Variants in MARCHF1 observed in about 807,000 individuals in gnomAD.
The protein encoded by MARCHF1 is membrane associated ring-CH-type finger 1.
Under a neutral mutation model 54.2 loss-of-function variants are expected in MARCHF1, and 40 were observed. The observed-to-expected ratio is 0.74, with a 90% CI of 0.57 to 0.96. MARCHF1 has a LOEUF of 0.96. Ranked by LOEUF, MARCHF1 falls within the 40% of genes least tolerant of loss-of-function variation. The pLI is 0.00. For missense variants in MARCHF1, 586 were observed against 656.5 expected, an observed-to-expected ratio of 0.89 and a Z score of 1.17; for synonymous variants, 236 against 236.3, an observed-to-expected ratio of 1.00 and a Z score of 0.01.
intron 1 of MARCHF1, among the ~76,000 whole-genome samples, chr4:164,319,083 A>T (rs1735072743): frequency 6.6e-6 from 1 of 152,158 alleles, no homozygotes; most frequent in Non-Finnish European, 1.5e-5. Context: ...TGAGTTCCAC[A>T]TCCATGGATT....
chr4:164,357,367 A>G (rs1278470529), intron 1 of MARCHF1, among the ~76,000 whole-genome samples: 1 of 152,088 alleles, frequency 6.6e-6, no homozygotes, highest in African/African-American at 2.4e-5. Flanking sequence ...TCTTTCTGCC[A>G]TCACATCTCT....
chr4:163,699,310 C>CA (rs1397061856), intron 5 of MARCHF1, among the ~76,000 whole-genome samples: 1 of 152,192 alleles, frequency 6.6e-6, no homozygotes, highest in Admixed American at 6.5e-5. Context: ...TGTTGCAAGA[C>CA]AGAGATATGG....
intron 4 of MARCHF1, among the ~76,000 whole-genome samples, chr4:163,829,646 CT>C (rs1280628256): frequency 1.3e-5 from 2 of 152,146 alleles, no homozygotes; most frequent in African/African-American, 4.8e-5. Context: ...TGCCTTCCCC[CT>C]GGACTGGATG....
chr4:163,993,241 TA>T (rs1281596787), intron 2 of MARCHF1, among the ~76,000 whole-genome samples: 2 of 152,094 alleles, frequency 1.3e-5, no homozygotes, highest in Non-Finnish European at 2.9e-5. Flanking sequence ...TATGTGTTTA[TA>T]AAAAAATCTA....
intron 5 of MARCHF1, among the ~76,000 whole-genome samples, chr4:163,667,780 C>T (rs541623912): frequency 8.8e-4 from 134 of 152,052 alleles, no homozygotes; most frequent in African/African-American, 3.1e-3. Flanking sequence ...TGTGTGCCAC[C>T]ACACCCAGCT....
chr4:163,949,379 C>T (rs1013833290), intron 3 of MARCHF1, among the ~76,000 whole-genome samples: 1 of 152,152 alleles, frequency 6.6e-6, no homozygotes, highest in Admixed American at 6.5e-5. Flanking sequence ...AAGAGGGTGT[C>T]ACAGCCCTGG....
At chr4:164,273,822 T>C (rs764557157) in intron 1 of MARCHF1, among the ~76,000 whole-genome samples, 15 of 152,314 alleles carry the variant, frequency 9.8e-5, no homozygotes, top group African/African-American at 3.1e-4. Context: ...TCTGAAGATG[T>C]CCTGGCTTAT....
At chr4:163,682,145 C>T (rs1744124809) in intron 5 of MARCHF1, among the ~76,000 whole-genome samples, 1 of 152,176 alleles carries the variant, frequency 6.6e-6, no homozygotes, top group Non-Finnish European at 1.5e-5. Flanking sequence ...AACCAAGAGA[C>T]TGGCAGCATT....
intron 1 of MARCHF1, among the ~76,000 whole-genome samples, chr4:164,171,811 A>T (rs1730532788): frequency 6.6e-6 from 1 of 152,224 alleles, no homozygotes; most frequent in African/African-American, 2.4e-5. Context: ...GGTTCAGAAG[A>T]TTTCTCAACA....
At chr4:164,049,106 A>G (rs76773911) in intron 2 of MARCHF1, among the ~76,000 whole-genome samples, 4,005 of 152,340 alleles carry the variant, frequency 0.026, 77 homozygotes, top group Non-Finnish European at 0.039. Flanking sequence ...TTTATAAAGA[A>G]AAGAAGTTTA....
At chr4:163,881,565 A>G (rs1003710529) in intron 3 of MARCHF1, among the ~76,000 whole-genome samples, 3 of 152,172 alleles carry the variant, frequency 2.0e-5, no homozygotes, top group Admixed American at 1.3e-4. Context: ...TAATTATGAC[A>G]TGTTTCCAGA....
chr4:163,659,448 C>T (rs1478627697), intron 5 of MARCHF1, among the ~76,000 whole-genome samples: 1 of 152,018 alleles, frequency 6.6e-6, no homozygotes, highest in African/African-American at 2.4e-5. Flanking sequence ...ACCGTTAAAA[C>T]CCTAGAAGAA....
intron 5 of MARCHF1, among the ~76,000 whole-genome samples, chr4:163,635,328 C>G (rs1053255453): frequency 1.8e-4 from 27 of 149,262 alleles, no homozygotes; most frequent in Admixed American, 1.4e-3. Context: ...TTGAAAGGAT[C>G]AACAAAATTG....
In MARCHF1 at chr4:164,238,340, A is replaced by T. The variant is rs114335032; in HGVS notation, c.-322-126678T>A. Among the ~76,000 whole-genome samples the T allele has an allele frequency of 3.5e-3, 540 of 152,216 alleles. 5 individuals carry two copies. The highest frequency in any genetic ancestry group is 6.5e-3 in the Admixed American group (99 of 15,288). Reference sequence around the variant, plus strand: ...GAGAAAAAACAATAGTAAATCCATTAGAAAGTTGAATCAACAGTTGACCAG... The same window carrying T: ...GAGAAAAAACAATAGTAAATCCATTTGAAAGTTGAATCAACAGTTGACCAG... On this transcript the variant is annotated intron_variant, in intron 1 of 9. Transcript: ENST00000514618.
chr4:164,090,122 A>C (rs1395722176), intron 2 of MARCHF1, among the ~76,000 whole-genome samples: 1 of 152,062 alleles, frequency 6.6e-6, no homozygotes, highest in Non-Finnish European at 1.5e-5. Context: ...AACTAACAAA[A>C]TGTGAAGAAA....
chr4:164,006,790 C>A (rs942649615), intron 2 of MARCHF1, among the ~76,000 whole-genome samples: 2 of 151,454 alleles, frequency 1.3e-5, no homozygotes, highest in Non-Finnish European at 2.9e-5. Context: ...TCAACAGAAA[C>A]CATACAGGTC....
At chr4:164,020,260 G>A (rs1415102178) in intron 2 of MARCHF1, among the ~76,000 whole-genome samples, 1 of 152,126 alleles carries the variant, frequency 6.6e-6, no homozygotes, top group Non-Finnish European at 1.5e-5. Flanking sequence ...TCTAGAGCTG[G>A]CAGTTGAGTT....
intron 4 of MARCHF1, among the ~76,000 whole-genome samples, chr4:163,770,563 C>A (rs1008743883): frequency 6.9e-6 from 1 of 145,938 alleles, no homozygotes; most frequent in Admixed American, 6.8e-5. Context: ...CACACACACA[C>A]AAACACACAC....
chr4:164,202,875 T>G (rs74675150), intron 1 of MARCHF1, among the ~76,000 whole-genome samples: 3,932 of 152,310 alleles, frequency 0.026, 172 homozygotes, highest in African/African-American at 0.088. Context: ...TTTGAGGTAG[T>G]CAATGTAATG....
Sources: gnomAD v4.1 joint callset for allele counts (sites outside exome capture counted in the v4.1 genomes callset) on GRCh38, gnomAD v4.1.1 for gene constraint, MANE v1.5 for transcripts, NCBI Gene and HGNC (gene_info 2026-07-23, HGNC 2026-07-21) for gene names.